FAT2: variants seen among roughly 807,000 people sequenced by gnomAD.
FAT2 encodes protocadherin Fat 2.
FAT2 carries 150 observed loss-of-function variants against 295.3 expected under a neutral mutation model. The ratio of observed to expected loss-of-function variants is 0.51; its 90% CI spans 0.44 to 0.58. The LOEUF is 0.58. FAT2 is among the 20% of genes least tolerant of loss of function. The pLI, the probability that FAT2 is intolerant of heterozygous loss-of-function variation, is 0.00. For missense variants in FAT2, 4,868 were observed against 5,442.7 expected (o/e 0.89, Z 3.32); for synonymous variants, 2,026 against 2,150.3 (o/e 0.94, Z 1.60).
In FAT2 at chr5:151,543,831, T is replaced by C; in HGVS notation, c.7296A>G (p.Ser2432=). The stretch of plus-strand genomic sequence containing the variant: ...GGTTGAACATAGAAATTATTCCCGA[T>C]GAGCTGTTAATGAAGAAGTGCCTGT... The part of the protein sequence containing the change: ...NQDRHFFINS[S]SGIISMFNLC... The change falls in exon 10 of 24, where the codon TCA becomes TCG. Residue 2432 remains serine (S), a synonymous_variant. Transcript: ENST00000261800. 6.2e-7 allele frequency: 1 copy of C among 1,603,204 alleles called. No homozygotes were observed.
Position 151,505,490 on chromosome 5 carries a change from C to G in FAT2, c.*75G>C. The G allele has an allele frequency of 6.4e-7, 1 of 1,569,272 alleles. No homozygotes were observed. The highest frequency in any genetic ancestry group is 2.3e-5 in the East Asian group (1 of 44,074). ...CACTCTCCCAGCCACACTCAACTCA[C>G]CCCCTACGAGACAGGAAGAAATAAG... On this transcript the variant is annotated 3_prime_UTR_variant, in exon 24 of 24. Coordinates refer to ENST00000261800, the MANE Select transcript of FAT2 (RefSeq NM_001447.3).
upstream of FAT2, among the ~76,000 whole-genome samples, chr5:151,594,239 C>A (rs1283684200): frequency 2.0e-5 from 3 of 152,182 alleles, no homozygotes; most frequent in Non-Finnish European, 2.9e-5. Context: ...TTGTGCACTG[C>A]CTGGGTCTCC....
At position 151,505,972 on chromosome 5, in the gene FAT2, C is replaced by A; in HGVS notation, c.12643G>T (p.Val4215Leu). 6.4e-7 allele frequency: 1 copy of A among 1,572,422 alleles called. No individual in the cohort carries two copies. The highest frequency in any genetic ancestry group is 1.2e-5 in the South Asian group (1 of 84,124). Residue 4215 changes from valine (V) to leucine (L), a missense_variant, in exon 24 of 24, where the codon GTG (valine) becomes TTG (leucine). Val to Leu is a conservative substitution (Grantham distance 32). Coordinates refer to ENST00000261800, the MANE Select transcript of FAT2 (RefSeq NM_001447.3). ...TAGAGGCCATTAGGCTCTGGCATCA[C>A]GACTGGGGTTGAGTGGCGGTGAGCC... ...PSAHRHSTPV[V>L]MPEPNGLYGG...
intron 7 of FAT2, 40 bp downstream of exon 7, chr5:151,551,427 T>G (rs1454038494): frequency 1.9e-6 from 3 of 1,601,294 alleles, no homozygotes; most frequent in Non-Finnish European, 2.6e-6. Context: ...AGGCCTTCCA[T>G]CTCCTCTCAA....
chr5:151,588,497 A>G (rs921730087), intron 1 of FAT2, among the ~76,000 whole-genome samples: 3 of 152,340 alleles, frequency 2.0e-5, no homozygotes, highest in Admixed American at 6.5e-5. Flanking sequence ...GACTGTATCT[A>G]TGAATGGGTT....
At chr5:151,515,604 C>T (rs1372640485) in intron 20 of FAT2, among the ~76,000 whole-genome samples, 1 of 152,206 alleles carries the variant, frequency 6.6e-6, no homozygotes, top group Non-Finnish European at 1.5e-5. Context: ...TCCAGTTGCC[C>T]AGGCCAAAAT....
rs200047606 is a variant in FAT2, at chr5:151,551,863, C to CAT, written c.4157-258_4157-257insAT. Among the ~76,000 whole-genome samples the CAT allele has an allele frequency of 9.4e-3, 1,431 of 152,080 alleles. 19 individuals carry two copies. Among genetic ancestry groups the CAT allele is most frequent in the African/African-American group, 0.033 (1,371 of 41,484 alleles). On this transcript the variant is annotated intron_variant, in intron 6 of 23. Coordinates refer to ENST00000261800, the MANE Select transcript of FAT2 (RefSeq NM_001447.3). ...ATAAACTATAAGAATCCAAATGTAA[C>CAT]AACATATTTTTAAATGTCTAGTATA...
chr5:151,561,155 A>G (rs1157444250), intron 3 of FAT2, among the ~76,000 whole-genome samples: 19 of 152,248 alleles, frequency 1.2e-4, no homozygotes. Context: ...AGGAAAGAAC[A>G]GCTAGGCTGG....
chr5:151,590,249 T>A (rs1283774357), intron 1 of FAT2, among the ~76,000 whole-genome samples: 1 of 152,216 alleles, frequency 6.6e-6, no homozygotes, highest in Non-Finnish European at 1.5e-5. Flanking sequence ...CTTCCCAGCC[T>A]GCTTCTTCAC....
intron 5 of FAT2, 144 bp downstream of exon 5, chr5:151,554,218 C>T (rs1402196527): frequency 5.4e-6 from 4 of 736,372 alleles, no homozygotes; most frequent in Non-Finnish European, 8.7e-6. Flanking sequence ...GAAGCTGAGA[C>T]TCCCAGTTTC....
intron 1 of FAT2, among the ~76,000 whole-genome samples, chr5:151,589,278 C>CA (rs2127665900): frequency 6.6e-6 from 1 of 152,306 alleles, no homozygotes; most frequent in East Asian, 1.9e-4. Context: ...GCCTGCCTGA[C>CA]AGCCTCTCCC....
upstream of FAT2, among the ~76,000 whole-genome samples, chr5:151,592,061 A>G (rs1332713425): frequency 2.0e-5 from 3 of 152,206 alleles, no homozygotes; most frequent in Non-Finnish European, 4.4e-5. Context: ...GAGACCGATT[A>G]TGTGTGCATC....
Position 151,534,624 on chromosome 5 carries a change from G to A in FAT2, c.9212C>T (p.Thr3071Ile). 1 of 1,610,922 alleles carries A rather than the reference G, an allele frequency of 6.2e-7. No homozygotes were observed. Among genetic ancestry groups the A allele is most frequent in the Non-Finnish European group, 8.5e-7 (1 of 1,177,516 alleles). Residue 3071 changes from threonine (T) to isoleucine (I), a missense_variant, in exon 13 of 24, where the codon ACT becomes ATT. Transcript: ENST00000261800. Reference protein sequence around the residue: ...DPHTGELTTLTALDRERKDVF... With the variant: ...DPHTGELTTLIALDRERKDVF... ...ATCCTTCCTTTCTCGGTCTAGGGCA[G>A]TGAGTGTGGTCAGCTCCCCTGGTCG...
rs1018002086 is a variant in FAT2, at chr5:151,563,480, G to A, written c.3419C>T (p.Ala1140Val). The change falls in exon 3 of 24, where the codon GCT becomes GTT. Residue 1140 changes from alanine (A) to valine (V), a missense_variant. Ala to Val is a moderately conservative substitution (Grantham distance 64). Transcript: ENST00000261800. The part of the protein sequence containing the change: ...ANDNPPQMSQ[A>V]VFYPSIQEDA... Reference sequence around the variant, plus strand: ...CTCCTGGATGGAGGGGTAGAACACAGCTTGGGACATCTGGGGTGGGTTGTC... The same window carrying A: ...CTCCTGGATGGAGGGGTAGAACACAACTTGGGACATCTGGGGTGGGTTGTC... 6.2e-7 allele frequency: 1 copy of A among 1,614,198 alleles called. No individual in the cohort carries two copies. The highest frequency in any genetic ancestry group is 8.5e-7 in the Non-Finnish European group (1 of 1,180,040).
chr5:151,505,739 G>T lies in FAT2; in HGVS notation c.12876C>A (p.Asp4292Glu), dbSNP rs545506007. 1.1e-5 allele frequency: 17 copies of T among 1,613,632 alleles called. No homozygotes were observed. The South Asian group carries it at 1.6e-4, about 16-fold the overall frequency. Residue 4292 changes from aspartate (D) to glutamate (E), a missense_variant, in exon 24 of 24, where the codon GAC (aspartate) becomes GAA (glutamate). Physicochemically the swap from Asp to Glu is conservative, Grantham distance 45 (BLOSUM62 2). Around this residue, in one of 5 missense-constraint regions of FAT2, gnomAD observed 492 missense variants for 482.6 expected, o/e 1.02. Transcript: ENST00000261800. ...RQGGGGPCLA[D>E]GGYKGVGMRL... ...GCATACCCACCCCCTTGTAGCCCCC[G>T]TCTGCCAGGCAGGGCCCTCCCCCTC... is the stretch of plus-strand genomic sequence containing the variant.
intron 1 of FAT2, among the ~76,000 whole-genome samples, chr5:151,581,072 G>A (rs1033020953): frequency 5.1e-4 from 78 of 152,176 alleles, no homozygotes; most frequent in Middle Eastern, 3.2e-3. Flanking sequence ...AGGTGGAGTC[G>A]CTACAGTCAG....
chr5:151,558,700 C>G (rs1272092583), intron 3 of FAT2, among the ~76,000 whole-genome samples: 1 of 152,104 alleles, frequency 6.6e-6, no homozygotes, highest in Admixed American at 6.5e-5. Context: ...CAGCATTTTC[C>G]CCATTTATTA....
In FAT2 at chr5:151,566,113, G is replaced by A. The variant is rs1581449171; in HGVS notation, c.2819C>T (p.Pro940Leu). 6 of 1,614,172 alleles carry A rather than the reference G, an allele frequency of 3.7e-6. No homozygotes were observed. The highest frequency in any genetic ancestry group is 4.5e-5 in the East Asian group (2 of 44,880). ...ATCCAGAAATGTCAAGACAGTCCCG[G>A]GGGGCAGGTCCTCTGGAACCTTCAG... ...NRLKVPEDLP[P>L]GTVLTFLDAS... The change falls in exon 2 of 24, where the codon CCC becomes CTC. Residue 940 changes from proline to leucine, a missense_variant. Physicochemically the swap from Pro to Leu is moderately conservative, Grantham distance 98. This residue lies in a region of FAT2 where 3,297 missense variants were observed against 3,669.4 expected (regional missense o/e 0.90). Coordinates refer to ENST00000261800, the MANE Select transcript of FAT2 (RefSeq NM_001447.3).
In FAT2 at chr5:151,554,446, A is replaced by G. The variant is rs766441454; in HGVS notation, c.3861T>C (p.Asp1287=). 4.3e-6 allele frequency: 7 copies of G among 1,614,076 alleles called. 1 individual carries two copies. The South Asian group carries it at 6.6e-5, about 15-fold the overall frequency. The change falls in exon 5 of 24, where the codon GAT becomes GAC. Residue 1287 remains aspartate (D), a synonymous_variant. Transcript: ENST00000261800. ...CCAGGTCGATACTGAAGGCCTCCTC[A>G]TCGCTGTCCTCGATACTGTAGGTGA... ...GRVTYSIEDS[D]EEAFSIDLVT...
Sources: allele counts gnomAD v4.1 joint callset (sites outside exome capture counted in the v4.1 genomes callset), GRCh38; gene constraint gnomAD v4.1.1; regional missense constraint gnomAD v4.1.1; transcripts MANE v1.5; gene names NCBI Gene and HGNC (gene_info 2026-07-23, HGNC 2026-07-21).